TMEM106B: variants seen among roughly 807,000 people sequenced by gnomAD.
The protein encoded by TMEM106B is transmembrane protein 106B.
Under a neutral mutation model 31.1 loss-of-function variants are expected in TMEM106B, and 15 were observed. The ratio of observed to expected loss-of-function variants is 0.48; its 90% CI spans 0.32 to 0.74. TMEM106B has a LOEUF of 0.74. Ranked by LOEUF, TMEM106B falls within the 30% of genes least tolerant of loss-of-function variation. TMEM106B has a pLI of 0.03. For synonymous variants in TMEM106B, 126 were observed against 112.5 expected (o/e 1.12, Z -0.76); for missense variants, 283 against 327.3 (o/e 0.86, Z 1.04).
In TMEM106B at chr7:12,230,927, G is replaced by C. The variant is rs1302993512; in HGVS notation, c.633-135G>C. On this transcript the variant is annotated intron_variant, in intron 6 of 7. Coordinates refer to ENST00000396668, the MANE Select transcript of TMEM106B (RefSeq NM_001134232.2). ...GTCATGAATATATCAGTCATTGTTTGAAGTATAGAAAATTCTCAACCAACA... is the reference window on the plus strand; with the variant it reads ...GTCATGAATATATCAGTCATTGTTTCAAGTATAGAAAATTCTCAACCAACA... The C allele has an allele frequency of 1.5e-5, 8 of 528,710 alleles. 1 individual carries two copies. Among genetic ancestry groups the C allele is most frequent in the East Asian group, 1.3e-4 (4 of 30,640 alleles). The allele number at this position is 528,710 out of a possible 1,614,324, so 32.8% of individuals were successfully genotyped here.
rs1436782580 is a variant in TMEM106B at position 12,242,824 on chromosome 7, A to T, written c.*10849A>T. On this transcript the variant is annotated 3_prime_UTR_variant, in exon 8 of 8. Transcript: ENST00000396668. ...AAAGAAGTGAATATTTTCAATACTTATGAACCATAGAATTCTGTATTCTTT... is the reference window on the plus strand; with the variant it reads ...AAAGAAGTGAATATTTTCAATACTTTTGAACCATAGAATTCTGTATTCTTT... 6.6e-6 allele frequency: 1 copy of T among 152,148 alleles called. No homozygotes were observed. Among genetic ancestry groups the T allele is most frequent in the Non-Finnish European group, 1.5e-5 (1 of 67,986 alleles). 9.4% of individuals were successfully genotyped at this position (152,148 alleles called of 1,614,324 possible). A position where few individuals can be genotyped will look rare whatever the true frequency, so the allele number is the denominator to read the frequency against.
At chr7:12,230,330 T>C in intron 5 of TMEM106B, 59 bp from the exon 6 acceptor site, 4 of 1,188,722 alleles carry the variant, frequency 3.4e-6, no homozygotes, top group Non-Finnish European at 3.8e-6. Context: ...ATGAAGTATA[T>C]CTGAAATGTT....
chr7:12,218,671 A>AAGGAT, intron 3 of TMEM106B, 150 bp downstream of exon 3: 1 of 651,658 alleles, frequency 1.5e-6, no homozygotes, highest in Non-Finnish European at 2.5e-6. Context: ...TGTATCCTTA[A>AAGGAT]ACAGACAAGA....
intron 4 of TMEM106B, among the ~76,000 whole-genome samples, chr7:12,226,445 T>G (rs1583455921): frequency 6.6e-6 from 1 of 152,208 alleles, no homozygotes; most frequent in African/African-American, 2.4e-5. Flanking sequence ...AACGTTTGTT[T>G]GAAAAGAGCA....
chr7:12,230,357 T>TA, intron 5 of TMEM106B, 32 bp from the exon 6 acceptor site: 1 of 1,506,434 alleles, frequency 6.6e-7, no homozygotes, highest in Non-Finnish European at 9.2e-7. Flanking sequence ...TTTGATCTTG[T>TA]TCTCTATCGA....
chr7:12,230,490 AAT>A (rs781234796), intron 6 of TMEM106B, 52 bp downstream of exon 6: 1 of 1,215,868 alleles, frequency 8.2e-7, no homozygotes, highest in East Asian at 2.4e-5. Flanking sequence ...AAGTGTATAA[AAT>A]AAAGTATAAA....
At chr7:12,221,458 A>G (rs1781786222) in intron 3 of TMEM106B, among the ~76,000 whole-genome samples, 1 of 152,196 alleles carries the variant, frequency 6.6e-6, no homozygotes. Context: ...GAGATACAAA[A>G]TCAAAGAAAT....
rs1409391981 is a variant in TMEM106B, at chr7:12,239,493, A to G, written c.*7518A>G. Reference sequence around the variant, plus strand: ...CAAGAACTTTTCCTTTGCCTTCACAACTTGTGCAAGAGACCTAGCTTTCAG... The same window carrying G: ...CAAGAACTTTTCCTTTGCCTTCACAGCTTGTGCAAGAGACCTAGCTTTCAG... On this transcript the variant is annotated 3_prime_UTR_variant, in exon 8 of 8. Transcript: ENST00000396668. 6.6e-6 allele frequency: 1 copy of G among 152,120 alleles called. No homozygotes were observed. Among genetic ancestry groups the G allele is most frequent in the Non-Finnish European group, 1.5e-5 (1 of 68,014 alleles). The allele number at this position is 152,120 out of a possible 1,614,324, so 9.4% of individuals were successfully genotyped here. A position where few individuals can be genotyped will look rare whatever the true frequency, so the allele number is the denominator to read the frequency against.
At chr7:12,226,552 T>C (rs978919664) in intron 4 of TMEM106B, among the ~76,000 whole-genome samples, 1 of 152,102 alleles carries the variant, frequency 6.6e-6, no homozygotes, top group Non-Finnish European at 1.5e-5. Flanking sequence ...AGAGTGATAG[T>C]TGTTTTTTCT....
intron 3 of TMEM106B, among the ~76,000 whole-genome samples, chr7:12,222,226 A>G (rs1781802369): frequency 6.6e-6 from 1 of 152,204 alleles, no homozygotes; most frequent in Non-Finnish European, 1.5e-5. Flanking sequence ...CTTCATTAGC[A>G]CCTTATAACT....
chr7:12,222,898 A>G (rs537915970), intron 3 of TMEM106B, among the ~76,000 whole-genome samples: 13 of 152,238 alleles, frequency 8.5e-5, no homozygotes, highest in Non-Finnish European at 1.9e-4. Flanking sequence ...CTCTTGTAAT[A>G]CATACAAAGA....
At position 12,211,383 on chromosome 7, in the gene TMEM106B, C is replaced by G. The variant is rs1781569857; in HGVS notation, c.-45C>G. The G allele has an allele frequency of 6.6e-6, 1 of 152,402 alleles. No homozygotes were observed. The highest frequency in any genetic ancestry group is 1.5e-5 in the Non-Finnish European group (1 of 68,186). The allele number at this position is 152,402 out of a possible 1,614,324, so 9.4% of individuals were successfully genotyped here. A position where few individuals can be genotyped will look rare whatever the true frequency, so the allele number is the denominator to read the frequency against. On this transcript the variant is annotated 5_prime_UTR_variant, in exon 1 of 8. Coordinates refer to ENST00000396668, the MANE Select transcript of TMEM106B (RefSeq NM_001134232.2). ...TCCACGACCCTGTCCTCGGCCCTGTCCGCGCCGAAGCAGCCCGGGACTGCG... is the reference window on the plus strand; with the variant it reads ...TCCACGACCCTGTCCTCGGCCCTGTGCGCGCCGAAGCAGCCCGGGACTGCG...
intron 4 of TMEM106B, among the ~76,000 whole-genome samples, chr7:12,226,273 A>T (rs2128526461): frequency 6.6e-6 from 1 of 152,254 alleles, no homozygotes; most frequent in East Asian, 1.9e-4. Flanking sequence ...TGGTTACTGT[A>T]GCCTTGTAGT....
chr7:12,226,519 T>C (rs1007075244), intron 4 of TMEM106B, among the ~76,000 whole-genome samples: 4 of 152,096 alleles, frequency 2.6e-5, no homozygotes, highest in African/African-American at 9.7e-5. Flanking sequence ...GAGATATATG[T>C]GAGTGACAGT....
Position 12,233,349 on chromosome 7 carries a change from G to T in TMEM106B, c.*1374G>T, listed in dbSNP as rs141109756. 1 of 149,686 alleles carries T rather than the reference G, an allele frequency of 6.7e-6. No homozygotes were observed. The highest frequency in any genetic ancestry group is 1.5e-5 in the Non-Finnish European group (1 of 67,298). 9.3% of individuals were successfully genotyped at this position (149,686 alleles called of 1,614,324 possible). ...ATGTAGCTGGGTTGAGATTAATTTC[G>T]TTCTGTTTTCTCATGACAGAAATCA... On this transcript the variant is annotated 3_prime_UTR_variant, in exon 8 of 8. Coordinates refer to ENST00000396668, the MANE Select transcript of TMEM106B (RefSeq NM_001134232.2).
Position 12,229,717 on chromosome 7 carries a change from C to G in TMEM106B, c.480C>G (p.Val160=), listed in dbSNP as rs201868191. 2.2e-4 allele frequency: 352 copies of G among 1,612,070 alleles called. 1 individual carries two copies. Among genetic ancestry groups the G allele is most frequent in the Middle Eastern group, 1.7e-4 (1 of 6,028 alleles). ...TAACAAACAATAACTATTACTCTGT[C>G]GAAGTTGAAAACATCACTGCCCAAG... ...LNITNNNYYS[V]EVENITAQVQ... The change falls in exon 5 of 8, where the codon GTC becomes GTG. Residue 160 remains valine, a synonymous_variant. Transcript: ENST00000396668.
chr7:12,224,143 G>C (rs1781846688), intron 3 of TMEM106B, 83 bp from the exon 4 acceptor site: 2 of 1,284,964 alleles, frequency 1.6e-6, no homozygotes, highest in African/African-American at 1.5e-5. Context: ...TGATATATGG[G>C]GGAAATTGAA....
Position 12,232,002 on chromosome 7 carries a change from G to T in TMEM106B, c.*27G>T, listed in dbSNP as rs747975454. On this transcript the variant is annotated 3_prime_UTR_variant, in exon 8 of 8. Transcript: ENST00000396668. ...AACTGGAAGAGATGGATTTAAAGAA[G>T]AAATATCTATTGATATTTCCTATAC... 5 of 1,602,254 alleles carry T rather than the reference G, an allele frequency of 3.1e-6. No homozygotes were observed. The Admixed American group carries it at 5.1e-5, about 16-fold the overall frequency.
chr7:12,241,439 C>A lies in TMEM106B; in HGVS notation c.*9464C>A, dbSNP rs1274088652. ...ACAAAAGGCCCCAGTGTGTGATGTTCCCCTCCCTGTGTCCATCTGTTCTCA... is the reference window on the plus strand; with the variant it reads ...ACAAAAGGCCCCAGTGTGTGATGTTACCCTCCCTGTGTCCATCTGTTCTCA... On this transcript the variant is annotated 3_prime_UTR_variant, in exon 8 of 8. Transcript: ENST00000396668. 1.3e-5 allele frequency: 2 copies of A among 150,478 alleles called. No homozygotes were observed. Among genetic ancestry groups the A allele is most frequent in the Non-Finnish European group, 2.9e-5 (2 of 67,900 alleles). The allele number at this position is 150,478 out of a possible 1,614,324, so 9.3% of individuals were successfully genotyped here.
Sources: gnomAD v4.1 joint callset for allele counts (sites outside exome capture counted in the v4.1 genomes callset) on GRCh38, gnomAD v4.1.1 for gene constraint, MANE v1.5 for transcripts, NCBI Gene and HGNC (gene_info 2026-07-23, HGNC 2026-07-21) for gene names.